Variants in SGCZ observed in about 807,000 individuals in gnomAD.
SGCZ encodes zeta-sarcoglycan.
SGCZ carries 40 observed loss-of-function variants against 41.3 expected under a neutral mutation model. The observed-to-expected ratio is 0.97, with a 90% CI of 0.75 to 1.26. The LOEUF is 1.26. Among genes scored for constraint, SGCZ ranks in the 50% most tolerant of loss-of-function variants. The pLI is 0.00. For missense variants in SGCZ, 552 were observed against 369.8 expected (o/e 1.49, Z -4.04); for synonymous variants, 206 against 137.5 (o/e 1.50, Z -3.49).
At chr8:15,051,588 G>T (rs569755521) in intron 1 of SGCZ, among the ~76,000 whole-genome samples, 6 of 152,038 alleles carry the variant, frequency 3.9e-5, no homozygotes, top group African/African-American at 1.4e-4. Flanking sequence ...GATACTGACA[G>T]AGTTTTCCAA....
chr8:15,145,117 C>T (rs1799002849), intron 1 of SGCZ, among the ~76,000 whole-genome samples: 1 of 152,174 alleles, frequency 6.6e-6, no homozygotes, highest in Non-Finnish European at 1.5e-5. Context: ...AAATTATTCC[C>T]CAAGCCCTGC....
intron 1 of SGCZ, among the ~76,000 whole-genome samples, chr8:15,026,460 A>C (rs1803460315): frequency 6.6e-6 from 1 of 152,234 alleles, no homozygotes; most frequent in African/African-American, 2.4e-5. Flanking sequence ...TAAGATAAAA[A>C]TTACAGACAA....
chr8:14,456,084 A>T (rs1424118282), intron 2 of SGCZ, among the ~76,000 whole-genome samples: 1 of 152,160 alleles, frequency 6.6e-6, no homozygotes, highest in Non-Finnish European at 1.5e-5. Context: ...CAACTCTGCT[A>T]ATACACCAAA....
At chr8:15,010,074 T>C (rs1802771797) in intron 1 of SGCZ, among the ~76,000 whole-genome samples, 1 of 152,178 alleles carries the variant, frequency 6.6e-6, no homozygotes, top group Admixed American at 6.5e-5. Flanking sequence ...CATGTGATGT[T>C]ATTTGAGAAA....
At chr8:14,529,146 G>T (rs1215392244) in intron 2 of SGCZ, among the ~76,000 whole-genome samples, 1 of 152,064 alleles carries the variant, frequency 6.6e-6, no homozygotes, top group Non-Finnish European at 1.5e-5. Flanking sequence ...CAGCATGTAT[G>T]TCCACTTCAT....
At chr8:14,860,321 AC>A (rs1803679787) in intron 1 of SGCZ, among the ~76,000 whole-genome samples, 2 of 151,772 alleles carry the variant, frequency 1.3e-5, no homozygotes, top group Admixed American at 1.3e-4. Context: ...ACTACATTTT[AC>A]CTTTCTGATG....
intron 4 of SGCZ, among the ~76,000 whole-genome samples, chr8:14,192,094 C>T (rs1805122406): frequency 1.3e-5 from 2 of 151,972 alleles, no homozygotes; most frequent in South Asian, 4.1e-4. Flanking sequence ...AAAATCAAAG[C>T]ACATATATAT....
chr8:15,020,344 C>T (rs573965281), intron 1 of SGCZ, among the ~76,000 whole-genome samples: 18 of 152,298 alleles, frequency 1.2e-4, no homozygotes, highest in African/African-American at 4.1e-4. Flanking sequence ...TAATTGAAGA[C>T]ATCTGTCCTA....
At chr8:14,328,304 G>T (rs1485815395) in intron 2 of SGCZ, among the ~76,000 whole-genome samples, 1 of 152,088 alleles carries the variant, frequency 6.6e-6, no homozygotes, top group African/African-American at 2.4e-5. Context: ...ATCTGAAAGG[G>T]AGAAAATGAT....
At chr8:14,812,399 G>C (rs1486974923) in intron 1 of SGCZ, among the ~76,000 whole-genome samples, 1 of 152,036 alleles carries the variant, frequency 6.6e-6, no homozygotes, top group African/African-American at 2.4e-5. Context: ...TGTTAGCCAT[G>C]TCAGATGTTT....
At chr8:14,293,616 T>A (rs1485662913) in intron 3 of SGCZ, among the ~76,000 whole-genome samples, 1 of 151,910 alleles carries the variant, frequency 6.6e-6, no homozygotes, top group Non-Finnish European at 1.5e-5. Context: ...TCAAAAATTC[T>A]CCAATCTATA....
chr8:15,206,090 T>C (rs1423793846), intron 1 of SGCZ, among the ~76,000 whole-genome samples: 2 of 152,160 alleles, frequency 1.3e-5, no homozygotes, highest in Non-Finnish European at 2.9e-5. Flanking sequence ...CTGGGCTGGA[T>C]ACCTGGGTGC....
At chr8:14,891,423 G>A (rs1020614014) in intron 1 of SGCZ, among the ~76,000 whole-genome samples, 1 of 152,158 alleles carries the variant, frequency 6.6e-6, no homozygotes, top group African/African-American at 2.4e-5. Context: ...GGTAGAAAAT[G>A]CAAAATAACT....
chr8:14,182,285 G>A (rs1467337075), intron 4 of SGCZ, among the ~76,000 whole-genome samples: 1 of 152,152 alleles, frequency 6.6e-6, no homozygotes, highest in African/African-American at 2.4e-5. Context: ...GTGAGCCAAG[G>A]CCATGATGCC....
At chr8:14,479,358 C>T (rs1320766788) in intron 2 of SGCZ, among the ~76,000 whole-genome samples, 3 of 152,136 alleles carry the variant, frequency 2.0e-5, no homozygotes, top group Admixed American at 6.5e-5. Context: ...TCTCGTATTT[C>T]CTCTTTGCTC....
intron 1 of SGCZ, among the ~76,000 whole-genome samples, chr8:15,184,620 CA>C (rs1270897446): frequency 2.0e-5 from 3 of 152,086 alleles, no homozygotes; most frequent in Non-Finnish European, 4.4e-5. Context: ...CGGGAGTCCC[CA>C]GCAGGAAACT....
intron 2 of SGCZ, among the ~76,000 whole-genome samples, chr8:14,484,449 T>G (rs1801618311): frequency 6.6e-6 from 1 of 152,150 alleles, no homozygotes; most frequent in Non-Finnish European, 1.5e-5. Context: ...CAAATAAATT[T>G]TTTAATTCAG....
intron 1 of SGCZ, among the ~76,000 whole-genome samples, chr8:14,563,892 T>G (rs1398544577): frequency 6.6e-6 from 1 of 152,166 alleles, no homozygotes; most frequent in Non-Finnish European, 1.5e-5. Flanking sequence ...TTTTTAAAAA[T>G]ATTACATTTA....
At chr8:15,076,550 G>C (rs1354119142) in intron 1 of SGCZ, among the ~76,000 whole-genome samples, 3 of 152,104 alleles carry the variant, frequency 2.0e-5, no homozygotes, top group African/African-American at 7.2e-5. Flanking sequence ...TTGTCAATGA[G>C]ATAGGCTTTT....
Sources: allele counts gnomAD v4.1 joint callset (sites outside exome capture counted in the v4.1 genomes callset), GRCh38; gene constraint gnomAD v4.1.1; transcripts MANE v1.5; gene names NCBI Gene and HGNC (gene_info 2026-07-23, HGNC 2026-07-21).